The following IKZF3 variants were observed in gnomAD, a reference collection of about 807,000 sequenced individuals.
IKZF3 encodes the protein zinc finger protein Aiolos.
IKZF3 carries 10 observed loss-of-function variants against 49.0 expected under a neutral mutation model. The observed-to-expected ratio is 0.20, with a 90% CI of 0.13 to 0.35. IKZF3 has a LOEUF of 0.35. Ranked by LOEUF, IKZF3 falls within the 10% of genes least tolerant of loss-of-function variation. The pLI is 1.00. For missense variants in IKZF3, 498 were observed against 664.8 expected, an observed-to-expected ratio of 0.75 and a Z score of 2.76; for synonymous variants, 209 against 228.2, an observed-to-expected ratio of 0.92 and a Z score of 0.76.
At position 39,832,148 on chromosome 17, in the gene IKZF3, AT is replaced by A; in HGVS notation, c.10del (p.Ile4TyrfsTer7). 6.2e-7 allele frequency: 1 copy of A among 1,611,134 alleles called. No individual in the cohort carries two copies. Among genetic ancestry groups the A allele is most frequent in the Non-Finnish European group, 8.5e-7 (1 of 1,177,546 alleles). MED[I>X]QTNAELKSTQ... is the part of the protein sequence containing the mutation. ...GCTTTTCAGTTCCGCATTTGTTTGT[AT>A]ATCTGAAAAGAAAGAGGTTATAAAT... On this transcript the variant is annotated frameshift_variant and splice_region_variant, in exon 2 of 8. Coordinates refer to ENST00000346872, the MANE Select transcript of IKZF3 (RefSeq NM_012481.5). LOFTEE classifies it high-confidence loss of function.
At position 39,759,083 on chromosome 17, in the gene IKZF3, T is replaced by C. The variant is rs2060123138; in HGVS notation, c.*6707A>G. The C allele has an allele frequency of 6.6e-6, 1 of 151,844 alleles. No homozygotes were observed. The highest frequency in any genetic ancestry group is 2.1e-4 in the South Asian group (1 of 4,814). The allele number at this position is 151,844 out of a possible 1,614,324, so 9.4% of individuals were successfully genotyped here. A position where few individuals can be genotyped will look rare whatever the true frequency, so the allele number is the denominator to read the frequency against. ...CCTATTTCAAATAGCTCAATCGATATCAACACATAAGACAGCCCACAATTG... is the reference window on the plus strand; with the variant it reads ...CCTATTTCAAATAGCTCAATCGATACCAACACATAAGACAGCCCACAATTG... On this transcript the variant is annotated 3_prime_UTR_variant, in exon 8 of 8. Transcript: ENST00000346872.
At chr17:39,856,954 T>C (rs2063078864) in intron 1 of IKZF3, among the ~76,000 whole-genome samples, 1 of 152,144 alleles carries the variant, frequency 6.6e-6, no homozygotes, top group South Asian at 2.1e-4. Flanking sequence ...AGGATAAATT[T>C]ATACACTGAT....
At position 39,770,538 on chromosome 17, in the gene IKZF3, A is replaced by G. The variant is rs558529966; in HGVS notation, c.827-4045T>C. 5.9e-5 allele frequency among the ~76,000 whole-genome samples: 9 copies of G among 152,240 alleles called. No homozygotes were observed. The South Asian group carries it at 1.7e-3, about 28-fold the overall frequency. The stretch of plus-strand genomic sequence containing the variant: ...TATGGTTGTTGGCTTCTAAGTGCCA[A>G]CTTGGAAGTACAGAATCACAGGCTA... On this transcript the variant is annotated intron_variant, in intron 7 of 7. Transcript: ENST00000346872.
At chr17:39,834,241 T>C (rs1457325340) in intron 1 of IKZF3, among the ~76,000 whole-genome samples, 2 of 152,222 alleles carry the variant, frequency 1.3e-5, no homozygotes, top group Non-Finnish European at 2.9e-5. Flanking sequence ...AGGAGGCATA[T>C]ATCTAGTTTC....
chr17:39,863,368 A>AT (rs954715404), intron 1 of IKZF3, among the ~76,000 whole-genome samples: 1 of 152,164 alleles, frequency 6.6e-6, no homozygotes, highest in Non-Finnish European at 1.5e-5. Context: ...AGGTGTCAAT[A>AT]TCTCATTTTT....
intron 3 of IKZF3, among the ~76,000 whole-genome samples, chr17:39,826,519 A>T (rs1266886340): frequency 6.6e-6 from 1 of 152,254 alleles, no homozygotes; most frequent in Non-Finnish European, 1.5e-5. Flanking sequence ...ATTCATGGGC[A>T]ATGGCCAACA....
At chr17:39,793,305 A>G (rs1285728516) in intron 3 of IKZF3, among the ~76,000 whole-genome samples, 1 of 152,238 alleles carries the variant, frequency 6.6e-6, no homozygotes, top group Non-Finnish European at 1.5e-5. Flanking sequence ...TGGTGGCTGC[A>G]GTTAAAAAGG....
chr17:39,835,315 C>T (rs745582250), intron 1 of IKZF3: 77 of 538,924 alleles, frequency 1.4e-4, no homozygotes, highest in Non-Finnish European at 9.0e-5. Context: ...TGACGCGCCA[C>T]GTCCTGCTTG....
At chr17:39,858,782 A>G (rs533056685) in intron 1 of IKZF3, among the ~76,000 whole-genome samples, 69 of 151,478 alleles carry the variant, frequency 4.6e-4, no homozygotes, top group Middle Eastern at 6.8e-3. Context: ...CATTTACTGT[A>G]TACCACTTTG....
intron 7 of IKZF3, among the ~76,000 whole-genome samples, chr17:39,775,573 G>A (rs1399507207): frequency 1.3e-5 from 2 of 152,186 alleles, no homozygotes; most frequent in East Asian, 3.9e-4. Context: ...AAATACTAGG[G>A]ACTGTCTCTC....
intron 1 of IKZF3, among the ~76,000 whole-genome samples, chr17:39,852,357 C>T: frequency 6.6e-6 from 1 of 152,152 alleles, no homozygotes; most frequent in East Asian, 1.9e-4. Flanking sequence ...CCATCCCCAC[C>T]ACTCCACAGA....
At chr17:39,798,125 A>C (rs933420646) in intron 3 of IKZF3, among the ~76,000 whole-genome samples, 1 of 152,016 alleles carries the variant, frequency 6.6e-6, no homozygotes, top group Non-Finnish European at 1.5e-5. Flanking sequence ...TTGCATGCCC[A>C]TTACCTAATT....
At chr17:39,810,011 G>A (rs1201826258) in intron 3 of IKZF3, among the ~76,000 whole-genome samples, 1 of 152,130 alleles carries the variant, frequency 6.6e-6, no homozygotes, top group Non-Finnish European at 1.5e-5. Context: ...TTTTTAGGTT[G>A]TGAACATCTT....
At chr17:39,768,672 TTAGA>T (rs1427451516) in intron 7 of IKZF3, among the ~76,000 whole-genome samples, 1 of 152,194 alleles carries the variant, frequency 6.6e-6, no homozygotes, top group Non-Finnish European at 1.5e-5. Flanking sequence ...TGGAAAGCAC[TTAGA>T]ACAGGGCCTG....
chr17:39,801,182 C>T (rs1259753560), intron 3 of IKZF3, among the ~76,000 whole-genome samples: 8 of 152,062 alleles, frequency 5.3e-5, no homozygotes, highest in Non-Finnish European at 1.0e-4. Context: ...AAGTGTTTTA[C>T]AAGGATCGGG....
intron 3 of IKZF3, among the ~76,000 whole-genome samples, chr17:39,813,385 C>T (rs1291380416): frequency 6.6e-6 from 1 of 151,916 alleles, no homozygotes; most frequent in Non-Finnish European, 1.5e-5. Flanking sequence ...TGGCTCACAC[C>T]TGTAATCCCA....
intron 1 of IKZF3, among the ~76,000 whole-genome samples, chr17:39,850,936 C>T (rs569280792): frequency 0.02 from 2,545 of 128,140 alleles, 93 homozygotes; most frequent in African/African-American, 0.072. Context: ...ATTATATATA[C>T]GTGTATATAT....
rs756399430 is a variant in IKZF3, at chr17:39,777,653, A to T, written c.824T>A (p.Ile275Asn). The change falls in exon 7 of 8, where the codon ATT becomes AAT. Residue 275 changes from isoleucine to asparagine, a missense_variant and splice_region_variant. Physicochemically the swap from Ile to Asn is moderately radical, Grantham distance 149. This residue lies in a region of IKZF3 where 317 missense variants were observed against 397.3 expected (regional missense o/e 0.80). Coordinates refer to ENST00000346872, the MANE Select transcript of IKZF3 (RefSeq NM_012481.5). ...KRKSSMPQKF[I>N]GEKRHCFDVN... ...AGGAAAAAGGTTTGTATTCTTACCA[A>T]TGAATTTCTGAGGCATTGAGCTTTT... The T allele has an allele frequency of 6.2e-7, 1 of 1,608,874 alleles. No individual in the cohort carries two copies. The highest frequency in any genetic ancestry group is 2.2e-5 in the East Asian group (1 of 44,802).
chr17:39,796,378 GA>G (rs2061161510), intron 3 of IKZF3, among the ~76,000 whole-genome samples: 1 of 152,050 alleles, frequency 6.6e-6, no homozygotes, highest in South Asian at 2.1e-4. Context: ...TCAAACTGTG[GA>G]ACCTTTTCTC....
Sources: allele counts gnomAD v4.1 joint callset (sites outside exome capture counted in the v4.1 genomes callset), GRCh38; gene constraint gnomAD v4.1.1; regional missense constraint gnomAD v4.1.1; transcripts MANE v1.5; gene names NCBI Gene and HGNC (gene_info 2026-07-23, HGNC 2026-07-21).